The following LRRC4C variants were observed in gnomAD, a reference collection of about 807,000 sequenced individuals.
LRRC4C encodes leucine-rich repeat-containing protein 4C.
Under a neutral mutation model 33.6 loss-of-function variants are expected in LRRC4C, and 5 were observed. That is an observed-to-expected ratio of 0.15 (90% CI 0.08 to 0.31). LRRC4C has a LOEUF of 0.31. Among genes scored for constraint, LRRC4C ranks in the 10% least tolerant of loss-of-function variants. LRRC4C has a pLI of 1.00. For synonymous variants in LRRC4C, 329 were observed against 302.0 expected, an observed-to-expected ratio of 1.09 and a Z score of -0.93; for missense variants, 560 against 796.7, an observed-to-expected ratio of 0.70 and a Z score of 3.58.
At chr11:41,212,887 A>C (rs1946881427) in intron 1 of LRRC4C, among the ~76,000 whole-genome samples, 1 of 152,172 alleles carries the variant, frequency 6.6e-6, no homozygotes, top group African/African-American at 2.4e-5. Flanking sequence ...GATTCCATGT[A>C]CCTAACACAT....
At position 40,763,595 on chromosome 11, in the gene LRRC4C, C is replaced by A. The variant is rs569470839; in HGVS notation, c.-406-115317G>T. 4.6e-5 allele frequency among the ~76,000 whole-genome samples: 7 copies of A among 152,190 alleles called. No individual in the cohort carries two copies. In the South Asian group the frequency reaches 1.5e-3, roughly 32 times the overall value. ...GACAATCTTGAATTGTCAACACCACCCCTTCCCCACACTGTAGCAGTGTCT... is the reference window on the plus strand; with the variant it reads ...GACAATCTTGAATTGTCAACACCACACCTTCCCCACACTGTAGCAGTGTCT... On this transcript the variant is annotated intron_variant, in intron 2 of 6. Transcript: ENST00000528697.
intron 3 of LRRC4C, among the ~76,000 whole-genome samples, chr11:40,443,236 A>G (rs897288032): frequency 6.6e-6 from 1 of 152,198 alleles, no homozygotes; most frequent in Non-Finnish European, 1.5e-5. Flanking sequence ...GGCACCATAG[A>G]AATTTCCCCT....
Position 40,514,519 on chromosome 11 carries a change from T to C in LRRC4C, c.-270+133623A>G, listed in dbSNP as rs538291122. Among the ~76,000 whole-genome samples, 12 of 152,296 alleles carry C rather than the reference T, an allele frequency of 7.9e-5. 1 individual carries two copies. In the East Asian group the frequency reaches 1.9e-3, roughly 25 times the overall value. Reference sequence around the variant, plus strand: ...GAAAAAAGCCATACAAAGTACTTAATAGAGTAACGGGCATGTAGTCAGTGA... The same window carrying C: ...GAAAAAAGCCATACAAAGTACTTAACAGAGTAACGGGCATGTAGTCAGTGA... On this transcript the variant is annotated intron_variant, in intron 3 of 6. Coordinates refer to ENST00000528697, the MANE Select transcript of LRRC4C (RefSeq NM_001258419.2).
chr11:41,205,281 A>G (rs1946553073), intron 1 of LRRC4C, among the ~76,000 whole-genome samples: 1 of 152,198 alleles, frequency 6.6e-6, no homozygotes, highest in African/African-American at 2.4e-5. Context: ...ACCAATGAAC[A>G]TATTAAGCAA....
At chr11:40,349,729 C>A (rs1947302105) in intron 3 of LRRC4C, among the ~76,000 whole-genome samples, 1 of 152,092 alleles carries the variant, frequency 6.6e-6, no homozygotes, top group African/African-American at 2.4e-5. Flanking sequence ...TTCTTGCCAG[C>A]ATTTGTTATT....
At chr11:41,093,999 C>A (rs914817844) in intron 1 of LRRC4C, among the ~76,000 whole-genome samples, 10 of 149,266 alleles carry the variant, frequency 6.7e-5, no homozygotes, top group African/African-American at 2.2e-4. Flanking sequence ...GTCCCAGCTA[C>A]TCAGGAGGCT....
At chr11:40,851,457 G>A (rs1348125686) in intron 2 of LRRC4C, among the ~76,000 whole-genome samples, 1 of 152,074 alleles carries the variant, frequency 6.6e-6, no homozygotes. Flanking sequence ...TACCCTCTGT[G>A]GGCTGCACCC....
intron 1 of LRRC4C, among the ~76,000 whole-genome samples, chr11:41,281,357 T>C (rs1949672909): frequency 6.6e-6 from 1 of 152,148 alleles, no homozygotes; most frequent in Non-Finnish European, 1.5e-5. Flanking sequence ...CTTTCTAATT[T>C]GTAAAGATGC....
At chr11:40,695,795 T>C (rs1945473316) in intron 2 of LRRC4C, among the ~76,000 whole-genome samples, 1 of 152,058 alleles carries the variant, frequency 6.6e-6, no homozygotes, top group African/African-American at 2.4e-5. Context: ...TTCATTCTTT[T>C]ACTTACGAGG....
At chr11:40,245,642 C>T (rs1182473885) in intron 4 of LRRC4C, among the ~76,000 whole-genome samples, 1 of 152,054 alleles carries the variant, frequency 6.6e-6, no homozygotes, top group Non-Finnish European at 1.5e-5. Context: ...TATAGGTTCA[C>T]TCAATGATAA....
intron 4 of LRRC4C, among the ~76,000 whole-genome samples, chr11:40,251,998 C>A (rs552495583): frequency 6.6e-6 from 1 of 152,290 alleles, no homozygotes; most frequent in East Asian, 1.9e-4. Context: ...ATTATTTAAA[C>A]TTATATTCTA....
chr11:41,413,995 G>T (rs1954586905), intron 1 of LRRC4C, among the ~76,000 whole-genome samples: 1 of 152,146 alleles, frequency 6.6e-6, no homozygotes, highest in Non-Finnish European at 1.5e-5. Context: ...TTAGTGCTTT[G>T]TAGTCAGACA....
intron 1 of LRRC4C, among the ~76,000 whole-genome samples, chr11:41,212,943 T>C (rs1263371192): frequency 1.3e-5 from 2 of 152,208 alleles, no homozygotes; most frequent in Non-Finnish European, 2.9e-5. Context: ...AAAAAGTTGT[T>C]ACACTGAATT....
chr11:41,382,548 T>C (rs1379770632), intron 1 of LRRC4C, among the ~76,000 whole-genome samples: 4 of 152,126 alleles, frequency 2.6e-5, no homozygotes, highest in Non-Finnish European at 5.9e-5. Context: ...ATATTTTTAA[T>C]GAATTAATTC....
At chr11:40,533,298 C>T (rs1956343835) in intron 3 of LRRC4C, among the ~76,000 whole-genome samples, 1 of 152,160 alleles carries the variant, frequency 6.6e-6, no homozygotes, top group Admixed American at 6.5e-5. Context: ...GCTTGGCTTA[C>T]ATACCCAGTA....
At chr11:41,336,906 C>T (rs1179521263) in intron 1 of LRRC4C, among the ~76,000 whole-genome samples, 1 of 151,858 alleles carries the variant, frequency 6.6e-6, no homozygotes, top group African/African-American at 2.4e-5. Context: ...GCAATAAACA[C>T]ATCAGACACA....
chr11:40,388,623 G>C (rs544020862), intron 3 of LRRC4C, among the ~76,000 whole-genome samples: 1 of 152,166 alleles, frequency 6.6e-6, no homozygotes, highest in Non-Finnish European at 1.5e-5. Flanking sequence ...TAAGGAATGA[G>C]TCAAGGAACA....
chr11:40,121,778 T>C (rs1489349896), intron 6 of LRRC4C, among the ~76,000 whole-genome samples: 1 of 152,222 alleles, frequency 6.6e-6, no homozygotes, highest in Non-Finnish European at 1.5e-5. Context: ...TAAGTCATCA[T>C]AGGCTTTGTC....
intron 1 of LRRC4C, among the ~76,000 whole-genome samples, chr11:40,987,612 C>T: frequency 7.3e-6 from 1 of 136,200 alleles, no homozygotes; most frequent in Non-Finnish European, 1.5e-5. Flanking sequence ...AAGGGCTCTG[C>T]AGGTACAAGT....
Sources: allele counts gnomAD v4.1 joint callset (sites outside exome capture counted in the v4.1 genomes callset), GRCh38; gene constraint gnomAD v4.1.1; transcripts MANE v1.5; gene names NCBI Gene and HGNC (gene_info 2026-07-23, HGNC 2026-07-21).